TCF12: variants seen among roughly 807,000 people sequenced by gnomAD.
TCF12 encodes DNA-binding protein HTF4.
TCF12 carries 45 observed loss-of-function variants against 86.0 expected under a neutral mutation model. The observed-to-expected ratio is 0.52, with a 90% confidence interval of 0.41 to 0.67. The LOEUF is 0.67. Among genes scored for constraint, TCF12 ranks in the 30% least tolerant of loss-of-function variants. The pLI is 0.00. For synonymous variants in TCF12, 330 were observed against 299.6 expected, an observed-to-expected ratio of 1.10 and a Z score of -1.05; for missense variants, 881 against 859.9, an observed-to-expected ratio of 1.02 and a Z score of -0.31.
At chr15:57,259,537 CTTG>C (rs1162752797) in intron 16 of TCF12, among the ~76,000 whole-genome samples, 1 of 152,202 alleles carries the variant, frequency 6.6e-6, no homozygotes, top group African/African-American at 2.4e-5. Context: ...AAACAAGTCC[CTTG>C]TTGGGTGCTT....
intron 8 of TCF12, among the ~76,000 whole-genome samples, chr15:57,226,492 T>G (rs1597445769): frequency 1.3e-5 from 2 of 152,140 alleles, no homozygotes; most frequent in Non-Finnish European, 2.9e-5. Flanking sequence ...TTAAAGTGTT[T>G]AATGATACTG....
At chr15:57,097,406 A>G (rs905297410) in intron 5 of TCF12, among the ~76,000 whole-genome samples, 2 of 151,924 alleles carry the variant, frequency 1.3e-5, no homozygotes, top group Non-Finnish European at 2.9e-5. Flanking sequence ...GCACATGCCT[A>G]TGGTCCCACC....
At chr15:57,273,362 C>A in intron 19 of TCF12, 100 bp downstream of exon 19, 1 of 1,199,752 alleles carries the variant, frequency 8.3e-7, no homozygotes, top group Non-Finnish European at 1.2e-6. Context: ...TTTGTTATTT[C>A]TCCCAGTACT....
rs181278062 is a variant in TCF12 at position 57,118,080 on chromosome 15, G to A, written c.325+26189G>A. On this transcript the variant is annotated intron_variant, in intron 5 of 20. Transcript: ENST00000333725. ...AATTTAATTGGCTCTGCAGTGTCTA[G>A]GATGAGGTTGCTTGGCCAGGATATA... 1.8e-4 allele frequency among the ~76,000 whole-genome samples: 28 copies of A among 152,250 alleles called. No homozygotes were observed. In the East Asian group the frequency reaches 4.6e-3, roughly 25 times the overall value.
intron 3 of TCF12, among the ~76,000 whole-genome samples, chr15:57,028,797 A>G (rs935785543): frequency 1.3e-5 from 2 of 151,568 alleles, no homozygotes; most frequent in African/African-American, 4.8e-5. Context: ...TTTTATATGT[A>G]GTCCTTTTTT....
At chr15:57,145,272 C>G (rs2053277168) in intron 5 of TCF12, among the ~76,000 whole-genome samples, 2 of 152,104 alleles carry the variant, frequency 1.3e-5, no homozygotes, top group Non-Finnish European at 2.9e-5. Context: ...TGTTACAGTA[C>G]AGAGAACCTA....
chr15:57,262,330 A>G (rs2060626572), intron 17 of TCF12, 122 bp downstream of exon 17: 1 of 754,654 alleles, frequency 1.3e-6, no homozygotes, highest in Admixed American at 2.7e-5. Context: ...GGGAATTCCA[A>G]ATAGCGTGGA....
At chr15:57,115,202 T>C (rs2050758631) in intron 5 of TCF12, among the ~76,000 whole-genome samples, 1 of 152,198 alleles carries the variant, frequency 6.6e-6, no homozygotes, top group African/African-American at 2.4e-5. Context: ...GGTTCAAAGT[T>C]CTATTCAAAA....
chr15:56,999,339 G>T (rs2063888759), intron 3 of TCF12, among the ~76,000 whole-genome samples: 1 of 152,042 alleles, frequency 6.6e-6, no homozygotes, highest in Non-Finnish European at 1.5e-5. Context: ...CTTTTTTATA[G>T]ATCAGTAAAA....
intron 3 of TCF12, among the ~76,000 whole-genome samples, chr15:56,993,782 T>C (rs1361886936): frequency 6.6e-6 from 1 of 152,180 alleles, no homozygotes; most frequent in South Asian, 2.1e-4. Context: ...AAAACAAATA[T>C]ATTACCAGTG....
intron 5 of TCF12, among the ~76,000 whole-genome samples, chr15:57,121,375 T>C (rs1369584138): frequency 6.6e-6 from 1 of 152,220 alleles, no homozygotes; most frequent in Non-Finnish European, 1.5e-5. Context: ...TTTGCCATGG[T>C]TTGAATGATG....
intron 3 of TCF12, among the ~76,000 whole-genome samples, chr15:57,040,290 A>G (rs985063429): frequency 5.9e-5 from 9 of 152,206 alleles, no homozygotes; most frequent in Non-Finnish European, 1.0e-4. Context: ...CGTGGGCTGT[A>G]TATTTGTGGA....
At chr15:57,093,305 C>T (rs911289291) in intron 5 of TCF12, among the ~76,000 whole-genome samples, 5 of 152,124 alleles carry the variant, frequency 3.3e-5, no homozygotes, top group Non-Finnish European at 5.9e-5. Context: ...TATTTCCTTT[C>T]GGAGTACAAC....
At chr15:57,055,222 T>C (rs1220588026) in intron 3 of TCF12, among the ~76,000 whole-genome samples, 6 of 151,928 alleles carry the variant, frequency 3.9e-5, no homozygotes, top group Admixed American at 6.6e-5. Flanking sequence ...GCCAACATAG[T>C]GAAACCCTAT....
intron 5 of TCF12, among the ~76,000 whole-genome samples, chr15:57,119,842 A>G (rs2051105777): frequency 1.3e-5 from 2 of 152,152 alleles, no homozygotes; most frequent in Admixed American, 6.5e-5. Context: ...TAAAAAAATC[A>G]GTTGTTTACA....
At chr15:57,247,819 G>C in intron 13 of TCF12, 1 of 752,610 alleles carries the variant, frequency 1.3e-6, no homozygotes, top group Non-Finnish European at 2.4e-6. Flanking sequence ...CAAAACCAAA[G>C]CCCCTGGAAC....
intron 19 of TCF12, 55 bp downstream of exon 19, chr15:57,273,317 T>G: frequency 6.4e-7 from 1 of 1,553,822 alleles, no homozygotes. Context: ...GGCAGACATT[T>G]CTGTTTACAG....
intron 3 of TCF12, among the ~76,000 whole-genome samples, chr15:57,001,765 A>G (rs1000783448): frequency 2.6e-5 from 4 of 152,194 alleles, no homozygotes; most frequent in African/African-American, 7.2e-5. Context: ...AATAGGACAT[A>G]TTTTCGAGTG....
At chr15:57,034,068 A>G (rs1228278292) in intron 3 of TCF12, among the ~76,000 whole-genome samples, 2 of 152,178 alleles carry the variant, frequency 1.3e-5, no homozygotes, top group Non-Finnish European at 2.9e-5. Flanking sequence ...TGATCACCAC[A>G]TTGGTTTTTA....
Sources: gnomAD v4.1 joint callset for allele counts (sites outside exome capture counted in the v4.1 genomes callset) on GRCh38, gnomAD v4.1.1 for gene constraint, MANE v1.5 for transcripts, NCBI Gene and HGNC (gene_info 2026-07-23, HGNC 2026-07-21) for gene names.